Variants in DRGX observed in about 807,000 individuals in gnomAD.
DRGX encodes dorsal root ganglia homeobox protein.
Under a neutral mutation model 28.6 loss-of-function variants are expected in DRGX, and 21 were observed. That is an observed-to-expected ratio of 0.73 (90% CI 0.52 to 1.06). DRGX has a LOEUF of 1.06. Among genes scored for constraint, DRGX ranks in the 50% least tolerant of loss-of-function variants. The pLI, the probability that DRGX is intolerant of heterozygous loss-of-function variation, is 0.00. For missense variants in DRGX, 354 were observed against 343.9 expected, an observed-to-expected ratio of 1.03 and a Z score of -0.23; for synonymous variants, 136 against 139.1, an observed-to-expected ratio of 0.98 and a Z score of 0.16.
chr10:49,393,904 A>T (rs1350572918), intron 2 of DRGX, among the ~76,000 whole-genome samples: 1 of 152,194 alleles, frequency 6.6e-6, no homozygotes, highest in Non-Finnish European at 1.5e-5. Context: ...TCACTGCTGC[A>T]GTCCACCCCG....
chr10:49,383,494 ACAAAACAGCAGGGCCATGGCAGGTC>A lies in DRGX; in HGVS notation c.526+2959_526+2983del, dbSNP rs1205335915. Among the ~76,000 whole-genome samples, 3 of 152,228 alleles carry A rather than the reference ACAAAACAGCAGGGCCATGGCAGGTC, an allele frequency of 2.0e-5. No homozygotes were observed. The East Asian group carries it at 5.8e-4, about 29-fold the overall frequency. On this transcript the variant is annotated intron_variant, in intron 6 of 6. Coordinates refer to ENST00000374139, the MANE Select transcript of DRGX (RefSeq NM_001276451.2). ...ATGGGACACCCCCTTACAGCCTGTC[ACAAAACAGCAGGGCCATGGCAGGTC>A]CAACCAAGGACCTGCCAATTTGGCC...
chr10:49,370,962 C>T (rs1849652897), intron 6 of DRGX, among the ~76,000 whole-genome samples: 1 of 152,192 alleles, frequency 6.6e-6, no homozygotes, highest in South Asian at 2.1e-4. Flanking sequence ...GATGGTCACA[C>T]CCTGCCTTAT....
intron 6 of DRGX, among the ~76,000 whole-genome samples, chr10:49,377,560 G>A (rs1849729363): frequency 6.6e-6 from 1 of 152,196 alleles, no homozygotes; most frequent in South Asian, 2.1e-4. Flanking sequence ...AAGAAGGCCT[G>A]GCATCCTCTG....
chr10:49,392,298 T>C (rs542306259), intron 2 of DRGX, among the ~76,000 whole-genome samples: 3 of 152,350 alleles, frequency 2.0e-5, no homozygotes, highest in African/African-American at 7.2e-5. Flanking sequence ...TGAAAGTCCT[T>C]TGGGCTTCTT....
rs755940392 is a variant in DRGX at position 49,366,172 on chromosome 10, T to C, written c.736A>G (p.Ser246Gly). 6.2e-7 allele frequency: 1 copy of C among 1,612,472 alleles called. No homozygotes were observed. Among genetic ancestry groups the C allele is most frequent in the South Asian group, 1.1e-5 (1 of 90,916 alleles). ...TTGGTGGGAGAGGTCTTTTCCTGGC[T>C]GCCATCTGGGGGCGCCGGCTTGGCG... ...PVAKPAPPDGSQEKTSPTKEQ... is the reference protein window; with the variant it reads ...PVAKPAPPDGGQEKTSPTKEQ... The change falls in exon 7 of 7, where the codon AGC (serine) becomes GGC (glycine). Residue 246 changes from serine (S) to glycine (G), a missense_variant. Coordinates refer to ENST00000374139, the MANE Select transcript of DRGX (RefSeq NM_001276451.2).
intron 6 of DRGX, among the ~76,000 whole-genome samples, chr10:49,377,909 A>C (rs926102864): frequency 3.3e-5 from 5 of 152,222 alleles, no homozygotes; most frequent in Non-Finnish European, 5.9e-5. Context: ...GGAGATTATA[A>C]GAAAAAAACC....
At chr10:49,386,266 G>A (rs1249516822) in intron 6 of DRGX, among the ~76,000 whole-genome samples, 1 of 152,186 alleles carries the variant, frequency 6.6e-6, no homozygotes, top group African/African-American at 2.4e-5. Context: ...GTGGAATGAT[G>A]CTTAGGACAT....
intron 6 of DRGX, among the ~76,000 whole-genome samples, chr10:49,378,751 T>G (rs535311147): frequency 6.6e-6 from 1 of 152,252 alleles, no homozygotes; most frequent in South Asian, 2.1e-4. Context: ...ACCTACAATA[T>G]CATAAAGAAT....
Position 49,386,673 on chromosome 10 carries a change from G to A in DRGX, c.413+7C>T. The A allele has an allele frequency of 6.3e-7, 1 of 1,575,910 alleles. No individual in the cohort carries two copies. On this transcript the variant is annotated splice_region_variant and intron_variant, in intron 5 of 6. Coordinates refer to ENST00000374139, the MANE Select transcript of DRGX (RefSeq NM_001276451.2). The stretch of plus-strand genomic sequence containing the variant: ...GGCCCACCGGGCCCAGAGACCCACA[G>A]CCTCACCTCTGCTGGGCCTCCAGCG...
At chr10:49,378,275 A>G (rs78863237) in intron 6 of DRGX, among the ~76,000 whole-genome samples, 193 of 152,338 alleles carry the variant, frequency 1.3e-3, no homozygotes, top group African/African-American at 4.4e-3. Flanking sequence ...AGCAAACACA[A>G]CTGTGAAACC....
chr10:49,395,517 C>T lies in DRGX; in HGVS notation c.-77G>A, dbSNP rs1849958474. On this transcript the variant is annotated 5_prime_UTR_variant, in exon 2 of 7. Coordinates refer to ENST00000374139, the MANE Select transcript of DRGX (RefSeq NM_001276451.2). ...AACGGACCCGCGCGCGTTGCTCCTG[C>T]CTGGCTGCAAAGCAAACAGCGATAG... 4.7e-6 allele frequency: 7 copies of T among 1,498,260 alleles called. No homozygotes were observed. Among genetic ancestry groups the T allele is most frequent in the Non-Finnish European group, 6.3e-6 (7 of 1,103,182 alleles). 92.8% of individuals were successfully genotyped at this position (1,498,260 alleles called of 1,614,324 possible).
At chr10:49,370,200 T>C (rs1849644211) in intron 6 of DRGX, among the ~76,000 whole-genome samples, 1 of 151,850 alleles carries the variant, frequency 6.6e-6, no homozygotes. Flanking sequence ...AGGTCTGGAG[T>C]TCGAGACCAG....
Position 49,366,138 on chromosome 10 carries a change from C to T in DRGX, c.770G>A (p.Ser257Asn). 1 of 1,603,518 alleles carries T rather than the reference C, an allele frequency of 6.2e-7. No individual in the cohort carries two copies. Among genetic ancestry groups the T allele is most frequent in the Non-Finnish European group, 8.5e-7 (1 of 1,173,898 alleles). ...CCCTCATACACTCTTCTCTGCCTCG[C>T]TCTGTTCCTTGGTGGGAGAGGTCTT... ...QEKTSPTKEQ[S>N]EAEKSV Residue 257 changes from serine (S) to asparagine (N), a missense_variant, in exon 7 of 7, where the codon AGC (serine) becomes AAC (asparagine). Physicochemically the swap from Ser to Asn is conservative, Grantham distance 46 (BLOSUM62 1). Coordinates refer to ENST00000374139, the MANE Select transcript of DRGX (RefSeq NM_001276451.2).
Position 49,395,273 on chromosome 10 carries a change from G to A in DRGX, c.34+134C>T, listed in dbSNP as rs965469878. The A allele has an allele frequency of 8.4e-6, 9 of 1,071,932 alleles. No homozygotes were observed. In the African/African-American group the frequency reaches 1.4e-4, roughly 17 times the overall value. 66.4% of individuals were successfully genotyped at this position (1,071,932 alleles called of 1,614,324 possible). A position where few individuals can be genotyped will look rare whatever the true frequency, so the allele number is the denominator to read the frequency against. The stretch of plus-strand genomic sequence containing the variant: ...TGGGGTGTAGGGAGGGGTCCAGGGA[G>A]GCCCCTACTCACCGGCAGGCGGCTG... On this transcript the variant is annotated intron_variant, in intron 2 of 6. Transcript: ENST00000374139.
intron 6 of DRGX, among the ~76,000 whole-genome samples, chr10:49,380,101 C>T (rs1849758323): frequency 6.6e-6 from 1 of 152,250 alleles, no homozygotes; most frequent in Non-Finnish European, 1.5e-5. Context: ...AGGCTTACCC[C>T]TCCCACCTGG....
Position 49,366,017 on chromosome 10 carries a change from C to G in DRGX, c.*99G>C. The G allele has an allele frequency of 7.1e-7, 1 of 1,405,484 alleles. No individual in the cohort carries two copies. 87.1% of individuals were successfully genotyped at this position (1,405,484 alleles called of 1,614,324 possible). On this transcript the variant is annotated 3_prime_UTR_variant, in exon 7 of 7. Transcript: ENST00000374139. ...TGGGTCCATGCAGAGGCCCTGGGGC[C>G]GCAGGCTTCTCCTTGCTATTTGGAG...
chr10:49,374,098 T>G (rs1849692326), intron 6 of DRGX, among the ~76,000 whole-genome samples: 1 of 152,106 alleles, frequency 6.6e-6, no homozygotes, highest in East Asian at 1.9e-4. Flanking sequence ...TATTGTATGT[T>G]TTGCTCTTTC....
Position 49,365,974 on chromosome 10 carries a change from G to A in DRGX, c.*142C>T. The stretch of plus-strand genomic sequence containing the variant: ...CGCTCCAGGTGCCAAGGGAGCTGTG[G>A]GTCTCACTTGCCCGTCCTGGGTCCA... On this transcript the variant is annotated 3_prime_UTR_variant, in exon 7 of 7. Transcript: ENST00000374139. The A allele has an allele frequency of 6.1e-6, 6 of 984,210 alleles. No homozygotes were observed. Among genetic ancestry groups the A allele is most frequent in the Middle Eastern group, 3.4e-4 (1 of 2,946 alleles). 61.0% of individuals were successfully genotyped at this position (984,210 alleles called of 1,614,324 possible).
intron 6 of DRGX, among the ~76,000 whole-genome samples, chr10:49,381,973 C>T (rs1564707349): frequency 6.6e-6 from 1 of 152,108 alleles, no homozygotes; most frequent in African/African-American, 2.4e-5. Flanking sequence ...CTGCCACGGG[C>T]TTGGAGAAGT....
Sources: allele counts gnomAD v4.1 joint callset (sites outside exome capture counted in the v4.1 genomes callset), GRCh38; gene constraint gnomAD v4.1.1; transcripts MANE v1.5; gene names NCBI Gene and HGNC (gene_info 2026-07-23, HGNC 2026-07-21).